PTGR1: variants seen among roughly 807,000 people sequenced by gnomAD.
PTGR1 encodes 15-oxoprostaglandin 13-reductase.
PTGR1 carries 23 observed loss-of-function variants against 37.7 expected under a neutral mutation model. The ratio of observed to expected loss-of-function variants is 0.61; its 90% CI spans 0.44 to 0.86. PTGR1 has a LOEUF of 0.86. Ranked by LOEUF, PTGR1 falls within the 40% of genes least tolerant of loss-of-function variation. The pLI, the probability that PTGR1 is intolerant of heterozygous loss-of-function variation, is 0.00. For missense variants in PTGR1, 351 were observed against 394.3 expected, an observed-to-expected ratio of 0.89 and a Z score of 0.93; for synonymous variants, 134 against 140.0, an observed-to-expected ratio of 0.96 and a Z score of 0.30.
rs571446317 is a variant in PTGR1, at chr9:111,584,196, C to T, written c.378-607G>A. Among the ~76,000 whole-genome samples, 3 of 152,324 alleles carry T rather than the reference C, an allele frequency of 2.0e-5. No individual in the cohort carries two copies. In the East Asian group the frequency reaches 5.8e-4, roughly 29 times the overall value. On this transcript the variant is annotated intron_variant, in intron 5 of 9. Transcript: ENST00000407693. ...AGTACTGATGGGGACTGGGTGAAGA[C>T]ACCACCGCATCTCATTGGATTGCGA...
At chr9:111,560,656 AAAAG>A (rs1321030613), downstream of PTGR1, among the ~76,000 whole-genome samples, 6 of 147,208 alleles carry the variant, frequency 4.1e-5, no homozygotes, top group Admixed American at 1.4e-4. Context: ...AAAAAAAAAA[AAAAG>A]GCACCACGCA....
chr9:111,588,278 G>A (rs1415905525), intron 4 of PTGR1, among the ~76,000 whole-genome samples: 1 of 147,606 alleles, frequency 6.8e-6, no homozygotes. Flanking sequence ...CTCACTGCAA[G>A]CTCCGCCTCC....
At chr9:111,576,330 C>G (rs758830340) in intron 7 of PTGR1, 16 of 1,611,980 alleles carry the variant, frequency 9.9e-6, no homozygotes, top group Admixed American at 1.7e-5. Context: ...TAACCTCAAA[C>G]CAGTACTCAC....
At chr9:111,562,276 C>CTTTTT (rs35900341), downstream of PTGR1, among the ~76,000 whole-genome samples, 1 of 140,492 alleles carries the variant, frequency 7.1e-6, no homozygotes, top group African/African-American at 2.6e-5. Context: ...AAGCAGTAAA[C>CTTTTT]TTTTTTTTTT....
downstream of PTGR1, among the ~76,000 whole-genome samples, chr9:111,559,472 A>G (rs992189067): frequency 6.6e-6 from 1 of 151,804 alleles, no homozygotes; most frequent in Non-Finnish European, 1.5e-5. Flanking sequence ...CTGATACACC[A>G]TCTGGGAAAC....
At chr9:111,585,037 TG>T (rs1308014983) in intron 5 of PTGR1, among the ~76,000 whole-genome samples, 1 of 152,114 alleles carries the variant, frequency 6.6e-6, no homozygotes, top group Non-Finnish European at 1.5e-5. Context: ...GACAAATTCA[TG>T]TAAAGTTATT....
intron 5 of PTGR1, among the ~76,000 whole-genome samples, chr9:111,585,016 G>A (rs972576270): frequency 6.6e-6 from 1 of 152,086 alleles, no homozygotes; most frequent in South Asian, 2.1e-4. Flanking sequence ...TAAGCCACTT[G>A]CAGAATTTCA....
intron 9 of PTGR1, among the ~76,000 whole-genome samples, chr9:111,567,431 T>A (rs570741518): frequency 3.9e-5 from 6 of 152,294 alleles, no homozygotes; most frequent in Non-Finnish European, 7.3e-5. Context: ...GTGATCCACC[T>A]GCCTTGGCCT....
At chr9:111,588,560 C>G (rs1048480920) in intron 4 of PTGR1, among the ~76,000 whole-genome samples, 1 of 147,826 alleles carries the variant, frequency 6.8e-6, no homozygotes, top group African/African-American at 2.5e-5. Context: ...GAGTTTCAAT[C>G]TGTTGCCCAG....
intron 5 of PTGR1, among the ~76,000 whole-genome samples, chr9:111,584,306 C>T (rs997730294): frequency 6.6e-6 from 1 of 152,188 alleles, no homozygotes; most frequent in African/African-American, 2.4e-5. Context: ...CTACACCTGG[C>T]TCACAGTCCA....
At chr9:111,560,759 T>C (rs1278886693), downstream of PTGR1, among the ~76,000 whole-genome samples, 1 of 145,502 alleles carries the variant, frequency 6.9e-6, no homozygotes, top group Non-Finnish European at 1.5e-5. Context: ...CTGACCAACA[T>C]GGTGAAACCC....
chr9:111,595,444 C>A (rs1442935415), intron 2 of PTGR1, among the ~76,000 whole-genome samples: 1 of 152,198 alleles, frequency 6.6e-6, no homozygotes, highest in African/African-American at 2.4e-5. Context: ...GCTTCATCGC[C>A]AGCCCCAGTT....
At chr9:111,576,578 A>T (rs1013179589) in intron 7 of PTGR1, 16 of 686,608 alleles carry the variant, frequency 2.3e-5, no homozygotes, top group Non-Finnish European at 3.5e-5. Flanking sequence ...CAAGTTACTT[A>T]ACACTTCTGA....
intron 5 of PTGR1, among the ~76,000 whole-genome samples, chr9:111,585,551 C>G (rs1474217696): frequency 6.6e-6 from 1 of 152,182 alleles, no homozygotes; most frequent in African/African-American, 2.4e-5. Flanking sequence ...CATGGTGGGT[C>G]TAACTGAAAT....
intron 6 of PTGR1, among the ~76,000 whole-genome samples, chr9:111,579,389 G>T (rs1829202480): frequency 6.6e-6 from 1 of 151,698 alleles, no homozygotes; most frequent in Admixed American, 6.6e-5. Context: ...ATCCTTTTTT[G>T]ATTTTTTAAA....
chr9:111,572,786 A>T (rs1828885101), intron 8 of PTGR1, among the ~76,000 whole-genome samples: 1 of 151,210 alleles, frequency 6.6e-6, no homozygotes. Context: ...AAAAATTAAA[A>T]AATTAAAAAA....
intron 9 of PTGR1, among the ~76,000 whole-genome samples, chr9:111,557,216 A>T (rs976432972): frequency 6.6e-6 from 1 of 151,942 alleles, no homozygotes; most frequent in African/African-American, 2.4e-5. Flanking sequence ...TCTACTAAAA[A>T]TCCAAAAATT....
At chr9:111,571,780 A>C (rs1343963027) in intron 8 of PTGR1, among the ~76,000 whole-genome samples, 2 of 152,198 alleles carry the variant, frequency 1.3e-5, no homozygotes, top group South Asian at 4.1e-4. Context: ...TTGGGATTAC[A>C]GGCATAAGCC....
intron 5 of PTGR1, among the ~76,000 whole-genome samples, chr9:111,584,401 G>A (rs1829369212): frequency 6.6e-6 from 1 of 152,234 alleles, no homozygotes; most frequent in Non-Finnish European, 1.5e-5. Flanking sequence ...AGACCAAGAA[G>A]TGCTGGAATT....
Sources: gnomAD v4.1 joint callset for allele counts (sites outside exome capture counted in the v4.1 genomes callset) on GRCh38, gnomAD v4.1.1 for gene constraint, MANE v1.5 for transcripts, NCBI Gene and HGNC (gene_info 2026-07-23, HGNC 2026-07-21) for gene names.